Variants in CC2D1A observed in about 807,000 individuals in gnomAD.
The protein encoded by CC2D1A is coiled-coil and C2 domain containing 1A.
CC2D1A carries 68 observed loss-of-function variants against 123.8 expected under a neutral mutation model. The observed-to-expected ratio is 0.55, with a 90% CI of 0.45 to 0.67. The LOEUF (loss-of-function observed/expected upper bound fraction) is 0.67, where lower values mean the gene tolerates loss of function less well. CC2D1A is among the 30% of genes least tolerant of loss of function. CC2D1A has a pLI of 0.00. For synonymous variants in CC2D1A, 477 were observed against 528.0 expected, an observed-to-expected ratio of 0.90 and a Z score of 1.32; for missense variants, 1,185 against 1,290.3, an observed-to-expected ratio of 0.92 and a Z score of 1.25.
At position 13,927,019 on chromosome 19, in the gene CC2D1A, C is replaced by T. The variant is rs376979936; in HGVS notation, c.2167C>T (p.Arg723Cys). Residue 723 changes from arginine to cysteine, a missense_variant, in exon 21 of 29, where the codon CGT (arginine) becomes TGT (cysteine). Transcript: ENST00000318003. ...QFKLCINRSH[R>C]GFRRAIQTKG... ...CAAACTCTGCATCAACCGCAGCCAC[C>T]GTGGCTTCCGAAGGGCCATCCAGAC... 1.3e-5 allele frequency: 21 copies of T among 1,614,068 alleles called. No individual in the cohort carries two copies. The highest frequency in any genetic ancestry group is 1.7e-4 in the Middle Eastern group (1 of 6,060).
At position 13,920,932 on chromosome 19, in the gene CC2D1A, C is replaced by T. The variant is rs910595736; in HGVS notation, c.1641+10C>T. On this transcript the variant is annotated intron_variant, in intron 14 of 28. Transcript: ENST00000318003. ...TGTGGACATCACCAAGGTGAACCTT[C>T]TGGGCTTGTGGGAACTGCCCAGGCA... 1.2e-6 allele frequency: 2 copies of T among 1,605,396 alleles called. No homozygotes were observed. The highest frequency in any genetic ancestry group is 3.4e-5 in the Admixed American group (2 of 58,774).
rs377380446 is a variant in CC2D1A at position 13,926,721 on chromosome 19, A to C, written c.2069A>C (p.Asn690Thr). ...VFVRFDFPYP[N>T]VEEAQKDKTS... is the part of the protein sequence containing the mutation. The stretch of plus-strand genomic sequence containing the variant: ...GTTCGGTTTGACTTCCCCTATCCCA[A>C]CGTGGTACGTGGGGAGCTGAGGAGG... The change falls in exon 19 of 29, where the codon AAC (asparagine) becomes ACC (threonine). Residue 690 changes from asparagine to threonine, a missense_variant. By Grantham distance (65) the Asn-to-Thr change is moderately conservative (BLOSUM62 0). Transcript: ENST00000318003. 5 of 1,613,862 alleles carry C rather than the reference A, an allele frequency of 3.1e-6. No homozygotes were observed. In the Admixed American group the frequency reaches 8.3e-5, roughly 27 times the overall value.
intron 6 of CC2D1A, among the ~76,000 whole-genome samples, chr19:13,916,345 G>A (rs990851175): frequency 1.3e-5 from 2 of 151,966 alleles, no homozygotes; most frequent in Non-Finnish European, 2.9e-5. Context: ...TGGGAGGATC[G>A]CTTGAACCCC....
chr19:13,926,566 G>A lies in CC2D1A; in HGVS notation c.1990G>A (p.Gly664Ser), dbSNP rs778584636. 6.2e-7 allele frequency: 1 copy of A among 1,614,142 alleles called. No homozygotes were observed. The highest frequency in any genetic ancestry group is 8.5e-7 in the Non-Finnish European group (1 of 1,180,016). ...SNDMLLFIVK[G>S]INLPTPPGLS... ...CGACATGCTCCTCTTCATCGTGAAGGGCATCAACTTGCCCACACCCCCAGG... is the reference window on the plus strand; with the variant it reads ...CGACATGCTCCTCTTCATCGTGAAGAGCATCAACTTGCCCACACCCCCAGG... The change falls in exon 18 of 29, where the codon GGC becomes AGC. Residue 664 changes from glycine to serine, a missense_variant. Physicochemically the swap from Gly to Ser is moderately conservative, Grantham distance 56. Coordinates refer to ENST00000318003, the MANE Select transcript of CC2D1A (RefSeq NM_017721.5).
chr19:13,930,100 G>C lies in CC2D1A; in HGVS notation c.2733G>C (p.Arg911=), dbSNP rs780583243. The change falls in exon 27 of 29, where the codon CGG becomes CGC. Residue 911 remains arginine (R), a synonymous_variant. Transcript: ENST00000318003. The surrounding 1 kb of genome is among the most constrained non-coding windows in gnomAD (Gnocchi z 6.8). ...CAGAATACGCAGCCCAGCTGGAGCG[G>C]CAGCTGCAGTTCTACACGGAGGCTG... ...IRREYAAQLE[R]QLQFYTEAAR... is the part of the protein sequence containing the mutation. The C allele has an allele frequency of 1.2e-5, 19 of 1,612,172 alleles. No individual in the cohort carries two copies. The highest frequency in any genetic ancestry group is 1.6e-5 in the Non-Finnish European group (19 of 1,179,566).
chr19:13,927,378 T>C, intron 22 of CC2D1A, 113 bp downstream of exon 22: 1 of 850,532 alleles, frequency 1.2e-6, no homozygotes, highest in Non-Finnish European at 1.9e-6. Context: ...ACCCAGCCCC[T>C]CCCCTCAGAG....
Position 13,930,199 on chromosome 19 carries a change from TG to T in CC2D1A, c.2788-39del, listed in dbSNP as rs112868162. The T allele has an allele frequency of 5.2e-3, 8,344 of 1,613,148 alleles. 329 individuals carry two copies. The African/African-American group carries it at 0.091, about 18-fold the overall frequency. ...GGTGGGCACTGGGCAGCGGGCAGGG[TG>T]GGGCCTGCAGGGACTACCTGCTGAA... is the stretch of plus-strand genomic sequence containing the variant. On this transcript the variant is annotated intron_variant, in intron 27 of 28. Coordinates refer to ENST00000318003, the MANE Select transcript of CC2D1A (RefSeq NM_017721.5). This position sits in a 1 kb window ranked among gnomAD's most constrained non-coding sequence, Gnocchi z 6.8.
rs770737062 is a variant in CC2D1A at position 13,918,807 on chromosome 19, C to T, written c.1008C>T (p.Pro336=). The stretch of plus-strand genomic sequence containing the variant: ...AGCCTCCGACCCCCGCTACGGCGCC[C>T]TCCACAACAGGTAGGTTCTGGGACC... ...PSQPPTPATA[P]STTEVPPPPR... is the part of the protein sequence containing the mutation. Residue 336 remains proline, a synonymous_variant, in exon 9 of 29, where the codon CCC becomes CCT. Coordinates refer to ENST00000318003, the MANE Select transcript of CC2D1A (RefSeq NM_017721.5). The T allele has an allele frequency of 7.4e-6, 12 of 1,613,558 alleles. No homozygotes were observed. Among genetic ancestry groups the T allele is most frequent in the Non-Finnish European group, 8.5e-6 (10 of 1,179,840 alleles).
Position 13,929,401 on chromosome 19 carries a change from C to T in CC2D1A, c.2542C>T (p.Leu848Phe). Residue 848 changes from leucine (L) to phenylalanine (F), a missense_variant, in exon 25 of 29, where the codon CTC (leucine) becomes TTC (phenylalanine). Leu to Phe is a conservative substitution (Grantham distance 22). Coordinates refer to ENST00000318003, the MANE Select transcript of CC2D1A (RefSeq NM_017721.5). ...GNRSARPLHS[L>F]SVLAFDQERL... The stretch of plus-strand genomic sequence containing the variant: ...TAGATCAGCCCGGCCCCTGCATAGC[C>T]TCAGTGTGCTGGCGTTTGACCAAGA... 1 of 1,613,572 alleles carries T rather than the reference C, an allele frequency of 6.2e-7. No individual in the cohort carries two copies. The highest frequency in any genetic ancestry group is 8.5e-7 in the Non-Finnish European group (1 of 1,179,978).
At position 13,912,538 on chromosome 19, in the gene CC2D1A, A is replaced by G; in HGVS notation, c.323A>G (p.Asn108Ser). The G allele has an allele frequency of 1.9e-6, 3 of 1,614,094 alleles. No individual in the cohort carries two copies. Among genetic ancestry groups the G allele is most frequent in the South Asian group, 1.1e-5 (1 of 91,082 alleles). Residue 108 changes from asparagine to serine, a missense_variant, in exon 4 of 29, where the codon AAT (asparagine) becomes AGT (serine). Physicochemically the swap from Asn to Ser is conservative, Grantham distance 46. Transcript: ENST00000318003. ...TGTGTGTCCCTGCAGGCGGAGCTAA[A>G]TGAGGTCCTTGGAGAGGAGCAGAAG... is the stretch of plus-strand genomic sequence containing the variant. ...EADDDLLAEL[N>S]EVLGEEQKAS...
chr19:13,912,748 G>T (rs1167541975), intron 4 of CC2D1A, among the ~76,000 whole-genome samples, 155 bp downstream of exon 4: 3 of 152,162 alleles, frequency 2.0e-5, no homozygotes, highest in African/African-American at 7.2e-5. Context: ...TGCCTCCCAG[G>T]TTCAAGGGAT....
chr19:13,923,897 A>G lies in CC2D1A; in HGVS notation c.1940+86A>G, dbSNP rs1034976486. 6 of 959,676 alleles carry G rather than the reference A, an allele frequency of 6.3e-6. No individual in the cohort carries two copies. The African/African-American group carries it at 9.7e-5, about 16-fold the overall frequency. 59.4% of individuals were successfully genotyped at this position (959,676 alleles called of 1,614,324 possible). A position where few individuals can be genotyped will look rare whatever the true frequency, so the allele number is the denominator to read the frequency against. ...CGGGTTGTGCTCCCCAGAAGCTGGCACAAGATTTACATCTGGAAGAAATTT... is the reference window on the plus strand; with the variant it reads ...CGGGTTGTGCTCCCCAGAAGCTGGCGCAAGATTTACATCTGGAAGAAATTT... On this transcript the variant is annotated intron_variant, in intron 17 of 28. Coordinates refer to ENST00000318003, the MANE Select transcript of CC2D1A (RefSeq NM_017721.5). The surrounding 1 kb of genome is among the most constrained non-coding windows in gnomAD (Gnocchi z 5.3).
At position 13,930,460 on chromosome 19, in the gene CC2D1A, C is replaced by T; in HGVS notation, c.*65C>T. ...AGGCCCCGATACCGGGAAGAGCCGA[C>T]ACAGCCACGAACCAGACAAGCAGAC... On this transcript the variant is annotated 3_prime_UTR_variant, in exon 29 of 29. Transcript: ENST00000318003. The surrounding 1 kb of genome is among the most constrained non-coding windows in gnomAD (Gnocchi z 6.8). The T allele has an allele frequency of 1.3e-6, 2 of 1,497,090 alleles. No homozygotes were observed. Among genetic ancestry groups the T allele is most frequent in the Non-Finnish European group, 1.8e-6 (2 of 1,116,052 alleles). 92.7% of individuals were successfully genotyped at this position (1,497,090 alleles called of 1,614,324 possible).
chr19:13,930,259 G>A lies in CC2D1A; in HGVS notation c.2805G>A (p.Ala935=), dbSNP rs576657386. 91 of 1,613,944 alleles carry A rather than the reference G, an allele frequency of 5.6e-5. No individual in the cohort carries two copies. The East Asian group carries it at 9.8e-4, about 17-fold the overall frequency. The part of the protein sequence containing the change: ...NDGSRDAAKE[A]LYRRNLVESE... ...CCCCACAGGATGCTGCAAAGGAGGC[G>A]CTCTATAGGCGGAATCTGGTAGAGA... Residue 935 remains alanine, a synonymous_variant, in exon 28 of 29, where the codon GCG becomes GCA. Coordinates refer to ENST00000318003, the MANE Select transcript of CC2D1A (RefSeq NM_017721.5). The surrounding 1 kb of genome is among the most constrained non-coding windows in gnomAD (Gnocchi z 6.8).
At chr19:13,921,871 G>A (rs1971423456) in intron 14 of CC2D1A, among the ~76,000 whole-genome samples, 1 of 152,210 alleles carries the variant, frequency 6.6e-6, no homozygotes, top group African/African-American at 2.4e-5. Context: ...GAGACTCACT[G>A]TCATGGAGTG....
chr19:13,908,982 G>A (rs1027792816), intron 1 of CC2D1A, among the ~76,000 whole-genome samples: 1 of 151,414 alleles, frequency 6.6e-6, no homozygotes, highest in Non-Finnish European at 1.5e-5. Context: ...GCGGAGTGCC[G>A]TAGCACAGTC....
At chr19:13,920,699 G>A (rs1249177151) in intron 13 of CC2D1A, 31 bp downstream of exon 13, 2 of 1,610,492 alleles carry the variant, frequency 1.2e-6, no homozygotes, top group South Asian at 2.2e-5. Flanking sequence ...CCAGCTGCCT[G>A]TTGCCTGGCT....
At chr19:13,926,776 C>G in intron 19 of CC2D1A, 45 bp from the exon 20 acceptor site, 1 of 1,614,008 alleles carries the variant, frequency 6.2e-7, no homozygotes, top group Non-Finnish European at 8.5e-7. Flanking sequence ...GGGCCAAAGC[C>G]AGGTCCCAGG....
Position 13,913,612 on chromosome 19 carries a change from G to T in CC2D1A, c.722G>T (p.Gly241Val). The T allele has an allele frequency of 6.2e-7, 1 of 1,610,336 alleles. No homozygotes were observed. Among genetic ancestry groups the T allele is most frequent in the South Asian group, 1.1e-5 (1 of 90,862 alleles). ...PSATAPASSP[G>V]LAKPQMPPGP... Reference sequence around the variant, plus strand: ...GCCACCGCCCCAGCCTCATCTCCAGGCTTGGCTAAGCCCCAGATGCCCCCA... The same window carrying T: ...GCCACCGCCCCAGCCTCATCTCCAGTCTTGGCTAAGCCCCAGATGCCCCCA... The change falls in exon 6 of 29, where the codon GGC becomes GTC. Residue 241 changes from glycine (G) to valine (V), a missense_variant. Physicochemically the swap from Gly to Val is moderately radical, Grantham distance 109. Transcript: ENST00000318003.
Sources: allele counts gnomAD v4.1 joint callset (sites outside exome capture counted in the v4.1 genomes callset), GRCh38; gene constraint gnomAD v4.1.1; non-coding constraint Gnocchi (gnomAD v3.1); transcripts MANE v1.5; gene names NCBI Gene and HGNC (gene_info 2026-07-23, HGNC 2026-07-21).